SDK1: variants seen among roughly 807,000 people sequenced by gnomAD.
SDK1 encodes the protein protein sidekick-1.
A neutral mutation model predicts 245.5 loss-of-function variants in SDK1; 157 were observed. That is an observed-to-expected ratio of 0.64 (90% CI 0.56 to 0.73). The LOEUF (loss-of-function observed/expected upper bound fraction) is 0.73. Ranked by LOEUF, SDK1 falls within the 30% of genes least tolerant of loss-of-function variation. The pLI, the probability that SDK1 is intolerant of heterozygous loss-of-function variation, is 0.00. For synonymous variants in SDK1, 1,647 were observed against 1,278.5 expected, an observed-to-expected ratio of 1.29 and a Z score of -6.15; for missense variants, 3,583 against 3,002.3, an observed-to-expected ratio of 1.19 and a Z score of -4.52.
intron 1 of SDK1, among the ~76,000 whole-genome samples, chr7:3,410,493 T>C (rs572429522): frequency 1.5e-4 from 23 of 151,758 alleles, no homozygotes; most frequent in Non-Finnish European, 3.1e-4. Flanking sequence ...TGTGTACACA[T>C]CTTATATGGG....
chr7:3,561,737 G>T (rs1229728272), intron 1 of SDK1, among the ~76,000 whole-genome samples: 1 of 152,152 alleles, frequency 6.6e-6, no homozygotes, highest in Non-Finnish European at 1.5e-5. Flanking sequence ...TAAAGGCCAG[G>T]CTACAAAGAG....
chr7:3,583,061 G>A (rs928891907), intron 1 of SDK1, among the ~76,000 whole-genome samples: 12 of 152,196 alleles, frequency 7.9e-5, no homozygotes, highest in African/African-American at 2.9e-4. Context: ...CAGGGGTAGG[G>A]ATGGGAGTAA....
At chr7:4,107,602 C>G (rs1228589441) in intron 22 of SDK1, among the ~76,000 whole-genome samples, 3 of 152,122 alleles carry the variant, frequency 2.0e-5, no homozygotes, top group Admixed American at 1.3e-4. Context: ...ACCGAGGACT[C>G]TGAAACCGCT....
At chr7:4,054,049 C>T (rs1171551971) in intron 19 of SDK1, among the ~76,000 whole-genome samples, 2 of 152,060 alleles carry the variant, frequency 1.3e-5, no homozygotes, top group Non-Finnish European at 2.9e-5. Flanking sequence ...AGCAATTCTC[C>T]TGCCTTGGCC....
intron 4 of SDK1, among the ~76,000 whole-genome samples, chr7:3,676,323 T>C (rs952304923): frequency 5.8e-5 from 3 of 51,978 alleles, no homozygotes; most frequent in African/African-American, 3.6e-4. Context: ...CTTCTAGTAC[T>C]TTTTTTTTTT....
At chr7:3,595,365 T>C (rs1781019890) in intron 1 of SDK1, among the ~76,000 whole-genome samples, 1 of 152,130 alleles carries the variant, frequency 6.6e-6, no homozygotes, top group African/African-American at 2.4e-5. Flanking sequence ...GCATGAAATA[T>C]ATATTAATAG....
chr7:3,937,430 A>G (rs1349869277), intron 5 of SDK1, among the ~76,000 whole-genome samples: 3 of 152,212 alleles, frequency 2.0e-5, no homozygotes, highest in African/African-American at 4.8e-5. Context: ...AGAACCACCC[A>G]GCCTGCAGAG....
At chr7:4,154,181 C>T (rs1232527116) in intron 30 of SDK1, among the ~76,000 whole-genome samples, 1 of 152,170 alleles carries the variant, frequency 6.6e-6, no homozygotes, top group Admixed American at 6.5e-5. Flanking sequence ...CCTTCCCCGA[C>T]GCCCATTCCA....
chr7:3,689,663 T>C (rs1784389086), intron 4 of SDK1, among the ~76,000 whole-genome samples: 1 of 152,250 alleles, frequency 6.6e-6, no homozygotes, highest in Admixed American at 6.5e-5. Context: ...TTACTAGGCC[T>C]CAGATTTCCT....
At position 3,971,541 on chromosome 7, in the gene SDK1, C is replaced by T; in HGVS notation, c.1790C>T (p.Ala597Val). 6.2e-7 allele frequency: 1 copy of T among 1,613,036 alleles called. No homozygotes were observed. Among genetic ancestry groups the T allele is most frequent in the Non-Finnish European group, 8.5e-7 (1 of 1,179,418 alleles). The change falls in exon 12 of 45, where the codon GCC becomes GTC. Residue 597 changes from alanine (A) to valine (V), a missense_variant. Coordinates refer to ENST00000404826, the MANE Select transcript of SDK1 (RefSeq NM_152744.4). ...ACCACGGCCACGCTGCACTGTGGTG[C>T]CACACATGACCCCCGGGTTTCACTC... ...KGTTATLHCG[A>V]THDPRVSLRY...
At chr7:3,960,368 A>T (rs894832096) in intron 8 of SDK1, among the ~76,000 whole-genome samples, 2 of 152,260 alleles carry the variant, frequency 1.3e-5, no homozygotes, top group African/African-American at 4.8e-5. Flanking sequence ...CAAAGCAGCC[A>T]CCTGGCTCTT....
intron 5 of SDK1, among the ~76,000 whole-genome samples, chr7:3,838,813 C>G (rs1452254177): frequency 6.6e-6 from 1 of 152,026 alleles, no homozygotes; most frequent in East Asian, 1.9e-4. Context: ...TCTTGTCTTT[C>G]TTATAGTAGA....
chr7:3,469,112 G>A (rs552006227), intron 1 of SDK1, among the ~76,000 whole-genome samples: 4 of 151,966 alleles, frequency 2.6e-5, no homozygotes, highest in African/African-American at 7.2e-5. Context: ...TTGAAATTTC[G>A]AATTTCGTGT....
chr7:3,424,740 T>A (rs989380149), intron 1 of SDK1, among the ~76,000 whole-genome samples: 1 of 151,800 alleles, frequency 6.6e-6, no homozygotes, highest in South Asian at 2.1e-4. Flanking sequence ...CTACAAAAAA[T>A]AAAAAAACTA....
intron 42 of SDK1, among the ~76,000 whole-genome samples, chr7:4,240,362 C>T (rs1220337440): frequency 6.6e-6 from 1 of 151,758 alleles, no homozygotes; most frequent in East Asian, 1.9e-4. Context: ...AGAACTTAAA[C>T]CTCTGTTGTG....
chr7:3,514,515 A>T, intron 1 of SDK1, among the ~76,000 whole-genome samples: 1 of 152,172 alleles, frequency 6.6e-6, no homozygotes, highest in Non-Finnish European at 1.5e-5. Flanking sequence ...CACAGCCATT[A>T]GGACTTGGGC....
chr7:3,933,530 G>A (rs1319053559), intron 5 of SDK1, among the ~76,000 whole-genome samples: 1 of 152,136 alleles, frequency 6.6e-6, no homozygotes, highest in Non-Finnish European at 1.5e-5. Flanking sequence ...TTGGAACATT[G>A]AGTAGTCTGT....
intron 25 of SDK1, among the ~76,000 whole-genome samples, chr7:4,119,784 A>C (rs1174210027): frequency 6.7e-6 from 1 of 149,146 alleles, no homozygotes; most frequent in East Asian, 1.9e-4. Flanking sequence ...ACAATTGTCA[A>C]GCACACAGGC....
Position 4,221,235 on chromosome 7 carries a change from G to T in SDK1, c.5702-4G>T, listed in dbSNP as rs569451105. 1.9e-6 allele frequency: 3 copies of T among 1,612,846 alleles called. No individual in the cohort carries two copies. The highest frequency in any genetic ancestry group is 1.3e-5 in the African/African-American group (1 of 75,016). On this transcript the variant is annotated splice_region_variant and splice_polypyrimidine_tract_variant and intron_variant, in intron 39 of 44. Transcript: ENST00000404826. Reference sequence around the variant, plus strand: ...TCACCTCTCTTTTCTTCTTTATCCCGCAGGATCCCCGGGCTCGCCTAGAGA... The same window carrying T: ...TCACCTCTCTTTTCTTCTTTATCCCTCAGGATCCCCGGGCTCGCCTAGAGA...
Sources: gnomAD v4.1 joint callset for allele counts (sites outside exome capture counted in the v4.1 genomes callset) on GRCh38, gnomAD v4.1.1 for gene constraint, MANE v1.5 for transcripts, NCBI Gene and HGNC (gene_info 2026-07-23, HGNC 2026-07-21) for gene names.